AHI1: variants seen among roughly 807,000 people sequenced by gnomAD.
The protein encoded by AHI1 is Abelson helper integration site 1, also known as jouberin.
In AHI1, 123 loss-of-function variants were observed where a neutral mutation model predicts 149.3. The observed-to-expected ratio is 0.82, with a 90% CI of 0.71 to 0.96. AHI1 has a LOEUF of 0.96. Among genes scored for constraint, AHI1 ranks in the 40% least tolerant of loss-of-function variants. AHI1 has a pLI of 0.00. For missense variants in AHI1, 1,439 were observed against 1,422.7 expected, an observed-to-expected ratio of 1.01 and a Z score of -0.18; for synonymous variants, 475 against 459.8, an observed-to-expected ratio of 1.03 and a Z score of -0.42.
chr6:135,297,660 A>T (rs1025313094), intron 27 of AHI1, among the ~76,000 whole-genome samples: 4 of 152,208 alleles, frequency 2.6e-5, no homozygotes, highest in Non-Finnish European at 4.4e-5. Context: ...ACATGACAAT[A>T]AATGCCTTTA....
chr6:135,380,247 G>C (rs1776540752), intron 23 of AHI1, among the ~76,000 whole-genome samples: 1 of 151,800 alleles, frequency 6.6e-6, no homozygotes, highest in South Asian at 2.1e-4. Context: ...ACCAACCATG[G>C]ATTGAAACTA....
chr6:135,374,250 CT>C (rs1328637546), intron 23 of AHI1, among the ~76,000 whole-genome samples: 1 of 150,542 alleles, frequency 6.6e-6, no homozygotes. Flanking sequence ...GTAGCTGGGA[CT>C]ACAGGTGCCC....
At chr6:135,350,334 C>G (rs979491179) in intron 24 of AHI1, among the ~76,000 whole-genome samples, 2 of 152,212 alleles carry the variant, frequency 1.3e-5, no homozygotes, top group African/African-American at 2.4e-5. Flanking sequence ...GCTACATTAT[C>G]CCTGATCTCC....
intron 5 of AHI1, among the ~76,000 whole-genome samples, chr6:135,475,548 A>AGGTC (rs1419777284): frequency 6.6e-6 from 1 of 152,190 alleles, no homozygotes; most frequent in Non-Finnish European, 1.5e-5. Flanking sequence ...TGAGCAGCTG[A>AGGTC]GGTCGGTGAC....
chr6:135,428,866 T>G, intron 18 of AHI1, 107 bp from the exon 19 acceptor site: 1 of 1,025,346 alleles, frequency 9.8e-7, no homozygotes, highest in Non-Finnish European at 1.4e-6. Context: ...ACAAACATTT[T>G]TTGAGAATCT....
chr6:135,490,276 A>AT, intron 5 of AHI1: 1 of 713,420 alleles, frequency 1.4e-6, no homozygotes, highest in Non-Finnish European at 2.6e-6. Flanking sequence ...AAGCTATTCA[A>AT]TATCTGAAGT....
At chr6:135,340,669 ATATATATATATATATATATATATATATG>A in intron 24 of AHI1, among the ~76,000 whole-genome samples, 1 of 119,180 alleles carries the variant, frequency 8.4e-6, no homozygotes, top group African/African-American at 3.7e-5. Context: ...ATATATATAT[ATATATATATATATATATATATATATATG>A]TTTTTGTTTG....
chr6:135,416,189 G>T lies in AHI1; in HGVS notation c.2765-4645C>A, dbSNP rs116860089. 8.6e-4 allele frequency among the ~76,000 whole-genome samples: 131 copies of T among 152,090 alleles called. No individual in the cohort carries two copies. In the East Asian group the frequency reaches 0.017, roughly 19 times the overall value. On this transcript the variant is annotated intron_variant, in intron 20 of 28. Coordinates refer to ENST00000265602, the MANE Select transcript of AHI1 (RefSeq NM_001134831.2). ...AAAAAGCAAATGACAAAATTGTAAT[G>T]AAAGGGGTAATTAATCTTACTATGC...
chr6:135,481,655 G>C (rs533992969), intron 5 of AHI1, among the ~76,000 whole-genome samples: 1 of 146,210 alleles, frequency 6.8e-6, no homozygotes, highest in African/African-American at 2.5e-5. Context: ...TTTACTATTT[G>C]TTGTGCTCTT....
intron 22 of AHI1, among the ~76,000 whole-genome samples, chr6:135,398,509 C>T (rs1030904003): frequency 2.0e-5 from 3 of 152,126 alleles, no homozygotes; most frequent in Admixed American, 6.6e-5. Context: ...TATATTTAAT[C>T]GTGATTTTTG....
intron 22 of AHI1, among the ~76,000 whole-genome samples, chr6:135,396,459 T>C (rs1163642298): frequency 1.3e-5 from 2 of 151,816 alleles, no homozygotes; most frequent in African/African-American, 4.8e-5. Context: ...AAAGCACTAA[T>C]GAACATTAAA....
chr6:135,319,948 C>T (rs941341520), intron 25 of AHI1, among the ~76,000 whole-genome samples: 2 of 152,202 alleles, frequency 1.3e-5, no homozygotes, highest in African/African-American at 4.8e-5. Context: ...GACAGGCTCT[C>T]TTAGAGTATC....
At chr6:135,475,082 TAA>T (rs1792379676) in intron 5 of AHI1, among the ~76,000 whole-genome samples, 1 of 152,244 alleles carries the variant, frequency 6.6e-6, no homozygotes, top group Non-Finnish European at 1.5e-5. Flanking sequence ...TCCGTTTTTT[TAA>T]AAGATATATA....
chr6:135,362,279 A>G (rs1794017299), intron 23 of AHI1, among the ~76,000 whole-genome samples: 1 of 152,154 alleles, frequency 6.6e-6, no homozygotes, highest in South Asian at 2.1e-4. Context: ...TTTTTTGTAC[A>G]GTGACTTTTT....
Position 135,400,733 on chromosome 6 carries a change from G to A in AHI1, c.2988+4218C>T, listed in dbSNP as rs76884745. Among the ~76,000 whole-genome samples, 83 of 152,268 alleles carry A rather than the reference G, an allele frequency of 5.5e-4. 2 individuals are homozygous for A. In the East Asian group the frequency reaches 0.015, roughly 27 times the overall value. ...AAAAGGTTAAATATCTCCGCAGGTA[G>A]CTTTCATGTTCACCTTATCTTTTGA... On this transcript the variant is annotated intron_variant, in intron 22 of 28. Transcript: ENST00000265602.
intron 26 of AHI1, 154 bp downstream of exon 26, chr6:135,318,365 T>C (rs1419598921): frequency 3.2e-6 from 2 of 617,990 alleles, no homozygotes; most frequent in African/African-American, 3.7e-5. Flanking sequence ...GGCTATAACG[T>C]TTGCCTTATG....
chr6:135,327,034 T>G (rs1158564491), intron 24 of AHI1, among the ~76,000 whole-genome samples: 1 of 152,196 alleles, frequency 6.6e-6, no homozygotes, highest in Non-Finnish European at 1.5e-5. Flanking sequence ...AGGATAATGG[T>G]CCCATTCCCA....
chr6:135,348,300 T>C (rs1791562021), intron 24 of AHI1, among the ~76,000 whole-genome samples: 1 of 152,216 alleles, frequency 6.6e-6, no homozygotes, highest in Admixed American at 6.5e-5. Context: ...TGCTCCATAA[T>C]AATGTGTGTT....
At chr6:135,308,242 C>CT (rs985142286) in intron 26 of AHI1, among the ~76,000 whole-genome samples, 33 of 150,910 alleles carry the variant, frequency 2.2e-4, no homozygotes, top group Admixed American at 1.3e-3. Context: ...TAATCCTCCG[C>CT]TTTTTTTTTG....
Sources: allele counts gnomAD v4.1 joint callset (sites outside exome capture counted in the v4.1 genomes callset), GRCh38; gene constraint gnomAD v4.1.1; transcripts MANE v1.5; gene names NCBI Gene and HGNC (gene_info 2026-07-23, HGNC 2026-07-21).